The following ZNF331 variants were observed in gnomAD, a reference collection of about 807,000 sequenced individuals.
ZNF331 encodes zinc finger protein 331.
A neutral mutation model predicts 7.0 loss-of-function variants in ZNF331; 2 were observed. The observed-to-expected ratio is 0.29, with a 90% CI of 0.12 to 0.90. ZNF331 has a LOEUF of 0.90. Ranked by LOEUF, ZNF331 falls within the 40% of genes least tolerant of loss-of-function variation. The pLI is 0.58. For synonymous variants in ZNF331, 196 were observed against 205.4 expected (o/e 0.95, Z 0.39); for missense variants, 432 against 587.7 (o/e 0.74, Z 2.74).
chr19:53,529,882 T>C (rs1452349738), intron 2 of ZNF331, among the ~76,000 whole-genome samples: 5 of 152,134 alleles, frequency 3.3e-5, no homozygotes, highest in African/African-American at 1.2e-4. Flanking sequence ...TTCCAGGTGA[T>C]GTACCTTGAG....
At chr19:53,505,494 T>A in the ZNF331 span, among the ~76,000 whole-genome samples, 1 of 152,148 alleles carries the variant, frequency 6.6e-6, no homozygotes, top group African/African-American at 2.4e-5. Context: ...CCACCATACC[T>A]GGACTGAAAC....
chr19:53,540,926 A>G (rs2088117077), intron 2 of ZNF331, among the ~76,000 whole-genome samples: 1 of 152,100 alleles, frequency 6.6e-6, no homozygotes, highest in African/African-American at 2.4e-5. Context: ...TGGTGATTAC[A>G]TTAGGCCCGC....
intron 3 of ZNF331, among the ~76,000 whole-genome samples, chr19:53,568,159 C>T (rs982284029): frequency 6.6e-6 from 1 of 151,364 alleles, no homozygotes; most frequent in Non-Finnish European, 1.5e-5. Flanking sequence ...TGAGGAGAAT[C>T]GCTTGAACCC....
At chr19:53,566,568 A>G (rs1325578426) in intron 3 of ZNF331, among the ~76,000 whole-genome samples, 12 of 151,810 alleles carry the variant, frequency 7.9e-5, no homozygotes, top group East Asian at 2.0e-4. Flanking sequence ...TGTAAACCAC[A>G]TTGTTTATAC....
At chr19:53,544,348 A>G (rs979096027) in intron 2 of ZNF331, among the ~76,000 whole-genome samples, 12 of 151,030 alleles carry the variant, frequency 7.9e-5, no homozygotes, top group Non-Finnish European at 1.3e-4. Context: ...GATGGAGACC[A>G]TCCTGGCTAA....
intron 2 of ZNF331, among the ~76,000 whole-genome samples, chr19:53,546,906 A>G (rs2088655053): frequency 6.6e-6 from 1 of 152,166 alleles, no homozygotes; most frequent in Non-Finnish European, 1.5e-5. Context: ...GTGAGAAACC[A>G]TATGGTTTAA....
At chr19:53,563,907 C>T (rs2090021270) in intron 3 of ZNF331, 2 of 151,820 alleles carry the variant, frequency 1.3e-5, no homozygotes, top group East Asian at 2.0e-4. Flanking sequence ...TGGGCGCGCA[C>T]CTGTAGTCCC....
intron 2 of ZNF331, among the ~76,000 whole-genome samples, chr19:53,540,847 C>G (rs1283698614): frequency 6.6e-6 from 1 of 152,164 alleles, no homozygotes; most frequent in Admixed American, 6.5e-5. Flanking sequence ...GGCCAAGTCC[C>G]TTTTCCATCA....
At chr19:53,521,310 A>T (rs2087067791) in exon 1 of ZNF331, 1 of 114,722 alleles carries the variant, frequency 8.7e-6, no homozygotes, top group Non-Finnish European at 1.9e-5. Context: ...AGCGGCGAGC[A>T]GGGAAGTGGG....
intron 3 of ZNF331, chr19:53,563,933 T>G (rs1484557757): frequency 4.0e-5 from 6 of 148,236 alleles, no homozygotes; most frequent in African/African-American, 1.3e-4. Flanking sequence ...CTCAGGAGGC[T>G]GAGGCAGGAG....
At chr19:53,570,138 C>T (rs2090365807) in intron 4 of ZNF331, among the ~76,000 whole-genome samples, 1 of 151,836 alleles carries the variant, frequency 6.6e-6, no homozygotes, top group Non-Finnish European at 1.5e-5. Flanking sequence ...TGTCCATAAT[C>T]CCAGCTACTT....
chr19:53,521,016 AG>A (rs1273129172), upstream of ZNF331: 2 of 152,240 alleles, frequency 1.3e-5, no homozygotes, highest in African/African-American at 4.8e-5. Flanking sequence ...CATTTCCCAG[AG>A]GGCCTTGGGG....
chr19:53,549,304 T>C (rs1887196142), intron 2 of ZNF331, among the ~76,000 whole-genome samples: 1 of 152,164 alleles, frequency 6.6e-6, no homozygotes, highest in Admixed American at 6.6e-5. Context: ...TTCATGCCAG[T>C]ATTATAACCG....
chr19:53,563,087 C>A (rs77825870), intron 3 of ZNF331, among the ~76,000 whole-genome samples: 34,223 of 137,798 alleles, frequency 0.25, 4,400 homozygotes, highest in Middle Eastern at 0.31. Context: ...GATTCCACAC[C>A]CCCCCACCCC....
At chr19:53,574,802 C>T (rs1353666210) in intron 5 of ZNF331, among the ~76,000 whole-genome samples, 1 of 152,208 alleles carries the variant, frequency 6.6e-6, no homozygotes, top group Non-Finnish European at 1.5e-5. Flanking sequence ...CTTCATTTAT[C>T]AGCTGTTATA....
chr19:53,577,215 G>T lies in ZNF331; in HGVS notation c.655G>T (p.Asp219Tyr), dbSNP rs2090762572. The T allele has an allele frequency of 1.2e-6, 2 of 1,613,856 alleles. No individual in the cohort carries two copies. Among genetic ancestry groups the T allele is most frequent in the African/African-American group, 2.7e-5 (2 of 74,842 alleles). Reference sequence around the variant, plus strand: ...TGGTGAAAAACCCTATGAATGTAAAGACTGTGGAAAGGCCTTTCGGCGTGG... The same window carrying T: ...TGGTGAAAAACCCTATGAATGTAAATACTGTGGAAAGGCCTTTCGGCGTGG... ...HTGEKPYECK[D>Y]CGKAFRRGDE... Residue 219 changes from aspartate to tyrosine, a missense_variant, in exon 6 of 6, where the codon GAC becomes TAC. By Grantham distance (160) the Asp-to-Tyr change is radical. This residue lies in a region of ZNF331 where 312 missense variants were observed against 448.6 expected (regional missense o/e 0.70). Transcript: ENST00000449416.
chr19:53,559,890 C>G (rs956194732), intron 3 of ZNF331, among the ~76,000 whole-genome samples: 25 of 150,044 alleles, frequency 1.7e-4, no homozygotes, highest in South Asian at 1.1e-3. Context: ...CACACACATG[C>G]CATACACACA....
At chr19:53,555,118 T>C (rs2089298511) in intron 2 of ZNF331, 1 of 154,244 alleles carries the variant, frequency 6.5e-6, no homozygotes, top group Non-Finnish European at 1.4e-5. Context: ...GACGCAGGTG[T>C]GTGTGACAGC....
At chr19:53,547,439 A>G (rs1253289953) in intron 2 of ZNF331, among the ~76,000 whole-genome samples, 3 of 152,208 alleles carry the variant, frequency 2.0e-5, no homozygotes, top group African/African-American at 7.2e-5. Flanking sequence ...CCTGATGAGT[A>G]TGTAGGTTGA....
Sources: allele counts gnomAD v4.1 joint callset (sites outside exome capture counted in the v4.1 genomes callset), GRCh38; gene constraint gnomAD v4.1.1; regional missense constraint gnomAD v4.1.1; transcripts MANE v1.5; gene names NCBI Gene and HGNC (gene_info 2026-07-23, HGNC 2026-07-21).